OSMR: variants seen among roughly 807,000 people sequenced by gnomAD.
OSMR encodes the protein oncostatin-M-specific receptor subunit beta.
In OSMR, 81 loss-of-function variants were observed where a neutral mutation model predicts 99.9. The ratio of observed to expected loss-of-function variants is 0.81; its 90% CI spans 0.68 to 0.97. The LOEUF (loss-of-function observed/expected upper bound fraction) is 0.97. Among genes scored for constraint, OSMR ranks in the 50% least tolerant of loss-of-function variants. The pLI, the probability that OSMR is intolerant of heterozygous loss-of-function variation, is 0.00. For missense variants in OSMR, 1,099 were observed against 1,153.4 expected (o/e 0.95, Z 0.68); for synonymous variants, 406 against 410.4 (o/e 0.99, Z 0.13).
Position 38,930,251 on chromosome 5 carries a change from T to A in OSMR, c.2213-1632T>A, listed in dbSNP as rs192326828. ...GAGAGCAAGGTTTTCCATAGTAAGATTCATAAAGAGAGTTTCTTTCCCCTT... is the reference window on the plus strand; with the variant it reads ...GAGAGCAAGGTTTTCCATAGTAAGAATCATAAAGAGAGTTTCTTTCCCCTT... On this transcript the variant is annotated intron_variant, in intron 15 of 17. Coordinates refer to ENST00000274276, the MANE Select transcript of OSMR (RefSeq NM_003999.3). Among the ~76,000 whole-genome samples the A allele has an allele frequency of 1.1e-4, 16 of 152,340 alleles. No homozygotes were observed. The East Asian group carries it at 2.9e-3, about 28-fold the overall frequency.
intron 16 of OSMR, 71 bp from the exon 17 acceptor site, chr5:38,932,392 C>G (rs137981607): frequency 1.7e-5 from 18 of 1,081,612 alleles, no homozygotes; most frequent in Non-Finnish European, 2.6e-5. Context: ...AGGAATCTGA[C>G]TCCAGAGTTC....
intron 2 of OSMR, among the ~76,000 whole-genome samples, chr5:38,873,102 C>T (rs1742521361): frequency 6.6e-6 from 1 of 152,332 alleles, no homozygotes; most frequent in Admixed American, 6.5e-5. Context: ...CTTGATTCCC[C>T]TCTCTCTCAG....
At chr5:38,897,322 G>A (rs1228780039) in intron 7 of OSMR, among the ~76,000 whole-genome samples, 3 of 151,906 alleles carry the variant, frequency 2.0e-5, no homozygotes, top group African/African-American at 7.2e-5. Flanking sequence ...GTTCAAATTT[G>A]TTACTTGTTT....
intron 15 of OSMR, 114 bp downstream of exon 15, chr5:38,925,485 C>T (rs1479096869): frequency 1.1e-6 from 1 of 871,146 alleles, no homozygotes; most frequent in Non-Finnish European, 1.9e-6. Context: ...CTTTCTTCTC[C>T]CCTTCTCACC....
At chr5:38,913,792 G>C (rs1745744946) in intron 9 of OSMR, among the ~76,000 whole-genome samples, 1 of 152,168 alleles carries the variant, frequency 6.6e-6, no homozygotes, top group East Asian at 1.9e-4. Context: ...CCACTGTCCT[G>C]CTAGACCTTC....
intron 7 of OSMR, among the ~76,000 whole-genome samples, chr5:38,889,961 G>T (rs1422368344): frequency 6.6e-6 from 1 of 152,134 alleles, no homozygotes; most frequent in Non-Finnish European, 1.5e-5. Context: ...ATCCACAACA[G>T]TCCAATAAGT....
intron 14 of OSMR, 121 bp downstream of exon 14, chr5:38,924,716 A>C: frequency 1.1e-6 from 1 of 907,682 alleles, no homozygotes; most frequent in Non-Finnish European, 1.8e-6. Flanking sequence ...GCATGGCTTT[A>C]TACTGGAAAG....
chr5:38,882,468 T>C (rs1156245658), intron 4 of OSMR, among the ~76,000 whole-genome samples: 2 of 152,004 alleles, frequency 1.3e-5, no homozygotes, highest in African/African-American at 4.8e-5. Flanking sequence ...CCAGCTATTC[T>C]GGAGGCTGAG....
intron 15 of OSMR, among the ~76,000 whole-genome samples, chr5:38,928,856 T>C (rs571735595): frequency 6.6e-5 from 10 of 152,278 alleles, no homozygotes; most frequent in African/African-American, 2.4e-4. Context: ...TTTAAATTTA[T>C]TTTCAGGTTA....
intron 7 of OSMR, among the ~76,000 whole-genome samples, chr5:38,888,027 C>G (rs1201914250): frequency 1.3e-5 from 2 of 151,864 alleles, no homozygotes; most frequent in African/African-American, 4.8e-5. Flanking sequence ...GTTTAGTAGG[C>G]AAGAAAGAAG....
intron 1 of OSMR, among the ~76,000 whole-genome samples, chr5:38,849,838 C>T (rs1280163630): frequency 1.3e-5 from 2 of 152,132 alleles, no homozygotes; most frequent in South Asian, 2.1e-4. Flanking sequence ...TTAATTTCCT[C>T]CTCTGTGAAT....
chr5:38,849,753 T>C (rs890885867), intron 1 of OSMR, among the ~76,000 whole-genome samples: 2 of 152,244 alleles, frequency 1.3e-5, no homozygotes, highest in Non-Finnish European at 2.9e-5. Flanking sequence ...TAATGACTTA[T>C]CTGATTTCAA....
chr5:38,889,014 G>A (rs1743979385), intron 7 of OSMR, among the ~76,000 whole-genome samples: 2 of 151,950 alleles, frequency 1.3e-5, no homozygotes, highest in Non-Finnish European at 2.9e-5. Flanking sequence ...CTGACATACA[G>A]CAAGGCTGAT....
intron 1 of OSMR, among the ~76,000 whole-genome samples, chr5:38,858,241 C>A (rs1741010429): frequency 6.6e-6 from 1 of 152,092 alleles, no homozygotes; most frequent in Admixed American, 6.6e-5. Flanking sequence ...CATGTTTGTG[C>A]CTGTTGACTG....
At chr5:38,899,399 C>T (rs1744746869) in intron 7 of OSMR, among the ~76,000 whole-genome samples, 1 of 152,116 alleles carries the variant, frequency 6.6e-6, no homozygotes, top group South Asian at 2.1e-4. Flanking sequence ...TCAGAGACCC[C>T]AAGAGCCCAC....
At chr5:38,924,626 T>C (rs1185244030) in intron 14 of OSMR, 31 bp downstream of exon 14, 10 of 1,472,440 alleles carry the variant, frequency 6.8e-6, no homozygotes, top group Non-Finnish European at 9.5e-6. Flanking sequence ...GTTTATTTAT[T>C]CTTTCAAGAT....
In OSMR at chr5:38,886,078, G is replaced by T. The variant is rs1367655244; in HGVS notation, c.879G>T (p.Trp293Cys). Residue 293 changes from tryptophan (W) to cysteine (C), a missense_variant, in exon 7 of 18, where the codon TGG becomes TGT. By Grantham distance (215) the Trp-to-Cys change is radical (BLOSUM62 -2). Coordinates refer to ENST00000274276, the MANE Select transcript of OSMR (RefSeq NM_003999.3). ...GEKKLCTHKN[W>C]CNWQITQDSQ... is the part of the protein sequence containing the mutation. ...AGAAACTTTGTACACACAAAAACTGGTGTAATTGGCAAATAACTCAAGACT... is the reference window on the plus strand; with the variant it reads ...AGAAACTTTGTACACACAAAAACTGTTGTAATTGGCAAATAACTCAAGACT... The T allele has an allele frequency of 6.2e-7, 1 of 1,613,564 alleles. No individual in the cohort carries two copies. Among genetic ancestry groups the T allele is most frequent in the East Asian group, 2.2e-5 (1 of 44,866 alleles).
At chr5:38,893,976 T>G (rs1033736312) in intron 7 of OSMR, among the ~76,000 whole-genome samples, 6 of 152,198 alleles carry the variant, frequency 3.9e-5, no homozygotes, top group Non-Finnish European at 8.8e-5. Context: ...AACAGTGGAC[T>G]TCTCAGCAGA....
At chr5:38,945,317 C>A, downstream of OSMR, 3 of 618,634 alleles carry the variant, frequency 4.8e-6, 1 homozygote, top group South Asian at 4.1e-5. Context: ...CCCACTGTGA[C>A]CTGGAACCGT....
Sources: gnomAD v4.1 joint callset for allele counts (sites outside exome capture counted in the v4.1 genomes callset) on GRCh38, gnomAD v4.1.1 for gene constraint, MANE v1.5 for transcripts, NCBI Gene and HGNC (gene_info 2026-07-23, HGNC 2026-07-21) for gene names.